The following COL22A1 variants were observed in gnomAD, a reference collection of about 807,000 sequenced individuals.
COL22A1 encodes collagen type XXII alpha 1 chain, also known as collagen alpha-1(XXII) chain.
In COL22A1, 221 loss-of-function variants were observed where a neutral mutation model predicts 248.9. The observed-to-expected ratio is 0.89, with a 90% CI of 0.80 to 0.99. The LOEUF (loss-of-function observed/expected upper bound fraction) is 0.99, where lower values mean the gene tolerates loss of function less well. Among genes scored for constraint, COL22A1 ranks in the 50% least tolerant of loss-of-function variants. The probability of loss-of-function intolerance (pLI) is 0.00; values close to 1 mark genes in which losing one functional copy is unlikely to be tolerated. For synonymous variants in COL22A1, 891 were observed against 793.4 expected, an observed-to-expected ratio of 1.12 and a Z score of -2.07; for missense variants, 2,240 against 2,179.0, an observed-to-expected ratio of 1.03 and a Z score of -0.56.
intron 49 of COL22A1, among the ~76,000 whole-genome samples, chr8:138,631,027 C>A (rs1412903056): frequency 6.6e-6 from 1 of 152,136 alleles, no homozygotes; most frequent in African/African-American, 2.4e-5. Context: ...CTAGGACCTC[C>A]CCACCTTTAC....
intron 21 of COL22A1, among the ~76,000 whole-genome samples, chr8:138,753,129 G>A (rs550859780): frequency 6.6e-6 from 1 of 152,324 alleles, no homozygotes; most frequent in East Asian, 1.9e-4. Flanking sequence ...AGGTGCTCTG[G>A]TTCCTAATCC....
At chr8:138,646,731 G>A (rs913129263) in intron 46 of COL22A1, 49 bp from the exon 47 acceptor site, 6 of 1,378,954 alleles carry the variant, frequency 4.4e-6, no homozygotes, top group Non-Finnish European at 6.0e-6. Context: ...TGAGTATCAG[G>A]CCCACATCCA....
At chr8:138,820,115 C>T (rs1039337017) in intron 7 of COL22A1, among the ~76,000 whole-genome samples, 1 of 151,864 alleles carries the variant, frequency 6.6e-6, no homozygotes, top group African/African-American at 2.4e-5. Flanking sequence ...AAAGCTTAGA[C>T]ACATGATTTT....
At chr8:138,708,753 A>G in intron 30 of COL22A1, among the ~76,000 whole-genome samples, 1 of 152,222 alleles carries the variant, frequency 6.6e-6, no homozygotes. Context: ...TAAAACACCA[A>G]AAGTAATGGC....
intron 3 of COL22A1, among the ~76,000 whole-genome samples, chr8:138,856,041 G>C (rs1186482231): frequency 1.3e-5 from 2 of 152,240 alleles, no homozygotes; most frequent in African/African-American, 2.4e-5. Context: ...AGTGGGGCTG[G>C]GGTGGGGGAC....
At chr8:138,879,720 A>G (rs1010990301) in intron 2 of COL22A1, among the ~76,000 whole-genome samples, 2 of 150,568 alleles carry the variant, frequency 1.3e-5, no homozygotes, top group Non-Finnish European at 3.0e-5. Context: ...AAAAAGAAGA[A>G]GAAGAAAAAG....
intron 3 of COL22A1, among the ~76,000 whole-genome samples, chr8:138,848,558 A>T (rs1563840659): frequency 6.6e-6 from 1 of 152,190 alleles, no homozygotes; most frequent in African/African-American, 2.4e-5. Context: ...TGTTGACGCA[A>T]CCATGGTTCT....
chr8:138,733,321 C>G (rs1435306836), intron 23 of COL22A1, among the ~76,000 whole-genome samples: 1 of 152,212 alleles, frequency 6.6e-6, no homozygotes, highest in African/African-American at 2.4e-5. Flanking sequence ...AATTTTCTAG[C>G]AGGTGGAATA....
chr8:138,747,943 T>C (rs1413585082), intron 22 of COL22A1, among the ~76,000 whole-genome samples: 1 of 152,172 alleles, frequency 6.6e-6, no homozygotes, highest in Non-Finnish European at 1.5e-5. Context: ...GAGCCTCAAC[T>C]AGAAGCCATG....
At chr8:138,659,571 T>C (rs1335209191) in intron 44 of COL22A1, among the ~76,000 whole-genome samples, 1 of 152,164 alleles carries the variant, frequency 6.6e-6, no homozygotes, top group African/African-American at 2.4e-5. Context: ...GACTCATCTC[T>C]CTCTCCATCC....
At chr8:138,606,726 A>C (rs1422416474) in intron 57 of COL22A1, among the ~76,000 whole-genome samples, 1 of 152,170 alleles carries the variant, frequency 6.6e-6, no homozygotes, top group Non-Finnish European at 1.5e-5. Flanking sequence ...ACAGATATTT[A>C]ACAAAGACCC....
intron 37 of COL22A1, 60 bp from the exon 38 acceptor site, chr8:138,685,372 G>A (rs1444142534): frequency 1.1e-5 from 15 of 1,408,416 alleles, no homozygotes; most frequent in African/African-American, 1.4e-5. Context: ...GCTTTTCTAT[G>A]GGGGAGCAGC....
chr8:138,812,005 T>C, intron 8 of COL22A1, 84 bp from the exon 9 acceptor site: 3 of 1,420,626 alleles, frequency 2.1e-6, no homozygotes, highest in South Asian at 2.9e-5. Context: ...GGGTGCTTCC[T>C]CAGAACCAGG....
In COL22A1 at chr8:138,607,984, C is replaced by A. The variant is rs748289648; in HGVS notation, c.3984G>T (p.Lys1328Asn). The change falls in exon 57 of 65, where the codon AAG becomes AAT. Residue 1328 changes from lysine (K) to asparagine (N), a missense_variant. By Grantham distance (94) the Lys-to-Asn change is moderately conservative. Transcript: ENST00000303045. ...GPQGPRGPPG[K>N]NGSPGSPGEP... ...CTCCTGGAGATCCCGGTGATCCATT[C>A]TTGCCCTGGTGGAAGAAACAGAGGT... 1.8e-5 allele frequency: 29 copies of A among 1,613,986 alleles called. No homozygotes were observed. The highest frequency in any genetic ancestry group is 2.5e-5 in the Non-Finnish European group (29 of 1,179,990).
intron 3 of COL22A1, among the ~76,000 whole-genome samples, chr8:138,864,022 G>A (rs1486481511): frequency 1.3e-5 from 2 of 152,054 alleles, no homozygotes; most frequent in African/African-American, 2.4e-5. Flanking sequence ...CAGCAATGCC[G>A]CTCTTGGGCA....
At chr8:138,890,721 G>C (rs1251717530) in intron 1 of COL22A1, among the ~76,000 whole-genome samples, 2 of 152,078 alleles carry the variant, frequency 1.3e-5, no homozygotes, top group African/African-American at 4.8e-5. Context: ...GCACTCAAAA[G>C]TTTGTTGTGG....
intron 25 of COL22A1, among the ~76,000 whole-genome samples, chr8:138,722,718 A>C (rs1268483362): frequency 1.3e-5 from 2 of 152,094 alleles, no homozygotes; most frequent in African/African-American, 4.8e-5. Flanking sequence ...TGACTCACTC[A>C]AGGTCACAGA....
At chr8:138,589,970 T>C (rs966013379) in intron 64 of COL22A1, among the ~76,000 whole-genome samples, 1 of 152,106 alleles carries the variant, frequency 6.6e-6, no homozygotes, top group African/African-American at 2.4e-5. Context: ...TGGATTACAT[T>C]AAGCTATTCT....
At chr8:138,777,918 ATC>A (rs1563750880) in intron 15 of COL22A1, 1 of 200,324 alleles carries the variant, frequency 5.0e-6, no homozygotes, top group Non-Finnish European at 1.0e-5. Flanking sequence ...CTGTTTGTTC[ATC>A]TCTTTATTCA....
Sources: allele counts gnomAD v4.1 joint callset (sites outside exome capture counted in the v4.1 genomes callset), GRCh38; gene constraint gnomAD v4.1.1; transcripts MANE v1.5; gene names NCBI Gene and HGNC (gene_info 2026-07-23, HGNC 2026-07-21).